Variants in LARGE1 observed in about 807,000 individuals in gnomAD.
LARGE1 encodes the protein LARGE xylosyl- and glucuronyltransferase 1.
Under a neutral mutation model 87.6 loss-of-function variants are expected in LARGE1, and 43 were observed. That is an observed-to-expected ratio of 0.49 (90% confidence interval 0.38 to 0.63). The LOEUF (loss-of-function observed/expected upper bound fraction) is 0.63. LARGE1 is among the 30% of genes least tolerant of loss of function. The pLI is 0.00. For synonymous variants in LARGE1, 434 were observed against 394.6 expected (o/e 1.10, Z -1.18); for missense variants, 802 against 1,000.2 (o/e 0.80, Z 2.67).
intron 2 of LARGE1, among the ~76,000 whole-genome samples, chr22:33,690,613 C>A (rs1379757051): frequency 6.6e-6 from 1 of 150,844 alleles, no homozygotes; most frequent in East Asian, 1.9e-4. Flanking sequence ...GGGAGAAGGA[C>A]CTTTCCTTGT....
At chr22:33,907,175 A>G (rs1002979549) in intron 1 of LARGE1, among the ~76,000 whole-genome samples, 4 of 152,192 alleles carry the variant, frequency 2.6e-5, no homozygotes, top group African/African-American at 7.2e-5. Context: ...CCTTCTGATA[A>G]GCCCAGGGCT....
chr22:33,348,635 C>T (rs1404760913), intron 9 of LARGE1, among the ~76,000 whole-genome samples: 4 of 151,908 alleles, frequency 2.6e-5, no homozygotes, highest in Non-Finnish European at 5.9e-5. Flanking sequence ...GCAAATGGCT[C>T]TTCCCAGTAC....
At chr22:33,454,327 T>G (rs914773020) in intron 6 of LARGE1, among the ~76,000 whole-genome samples, 1 of 151,840 alleles carries the variant, frequency 6.6e-6, no homozygotes, top group African/African-American at 2.4e-5. Flanking sequence ...ATAAGAAAAG[T>G]AGTTGAGTTA....
At chr22:33,776,714 G>C (rs143728953) in intron 1 of LARGE1, among the ~76,000 whole-genome samples, 3 of 152,172 alleles carry the variant, frequency 2.0e-5, no homozygotes, top group Admixed American at 2.0e-4. Flanking sequence ...ATGCACTCTG[G>C]CATCCCTTAG....
chr22:33,495,670 G>T (rs1258253436), intron 6 of LARGE1, among the ~76,000 whole-genome samples: 3 of 151,872 alleles, frequency 2.0e-5, no homozygotes, highest in Non-Finnish European at 4.4e-5. Flanking sequence ...AGTGAGCCGA[G>T]ATCACACCAC....
intron 11 of LARGE1, among the ~76,000 whole-genome samples, chr22:33,237,803 C>T (rs747937917): frequency 1.1e-4 from 16 of 152,176 alleles, no homozygotes; most frequent in Admixed American, 5.2e-4. Flanking sequence ...CATCAAGATC[C>T]GACTCCTGAA....
In LARGE1 at chr22:33,598,173, G is replaced by A. The variant is rs117523248; in HGVS notation, c.615+6262C>T. Among the ~76,000 whole-genome samples the A allele has an allele frequency of 1.0e-3, 158 of 152,242 alleles. No individual in the cohort carries two copies. In the Middle Eastern group the frequency reaches 0.014, roughly 13 times the overall value. ...AGGGAAACAGGACATAGGAGAAAGG[G>A]CACAGATACTGGAGTCAGACAGTTC... is the stretch of plus-strand genomic sequence containing the variant. On this transcript the variant is annotated intron_variant, in intron 5 of 14. Transcript: ENST00000397394.
In LARGE1 at chr22:33,202,228, C is replaced by CT. The variant is rs141955794; in HGVS notation, c.1731-35397dup. Among the ~76,000 whole-genome samples the CT allele has an allele frequency of 8.1e-3, 1,230 of 152,282 alleles. 7 individuals carry two copies. Among genetic ancestry groups the CT allele is most frequent in the Middle Eastern group, 0.02 (6 of 294 alleles). On this transcript the variant is annotated intron_variant, in intron 11 of 11. Transcript: ENST00000608642. ...ACACTAGAACAGAGAAAGAGATACT[C>CT]TCCCCACTCCCAACTTTAGAAACTG...
At chr22:33,300,301 C>T (rs73166230) in intron 12 of LARGE1, among the ~76,000 whole-genome samples, 7 of 152,166 alleles carry the variant, frequency 4.6e-5, no homozygotes, top group African/African-American at 1.7e-4. Flanking sequence ...TAATGACAGA[C>T]TGAGTGCAGC....
intron 1 of LARGE1, among the ~76,000 whole-genome samples, chr22:33,782,509 T>A (rs564602369): frequency 1.3e-5 from 2 of 152,190 alleles, no homozygotes; most frequent in Non-Finnish European, 2.9e-5. Context: ...TTGTTTTACA[T>A]CAGTGACACG....
chr22:33,360,742 T>C (rs1341766846), intron 9 of LARGE1, among the ~76,000 whole-genome samples: 1 of 149,550 alleles, frequency 6.7e-6, no homozygotes, highest in Admixed American at 6.6e-5. Context: ...GTGAAAATGC[T>C]ATATAAACTG....
At chr22:33,476,852 C>T (rs1043077053) in intron 6 of LARGE1, among the ~76,000 whole-genome samples, 2 of 152,132 alleles carry the variant, frequency 1.3e-5, no homozygotes, top group African/African-American at 4.8e-5. Context: ...ATTAGCAGAA[C>T]GTGCACACAG....
intron 11 of LARGE1, among the ~76,000 whole-genome samples, chr22:33,309,053 C>T (rs745443139): frequency 7.9e-5 from 12 of 152,134 alleles, no homozygotes; most frequent in African/African-American, 1.2e-4. Flanking sequence ...GGGGCCTAGG[C>T]GCCTGCATTT....
At chr22:33,128,399 A>T in the LARGE1 span, among the ~76,000 whole-genome samples, 1 of 152,214 alleles carries the variant, frequency 6.6e-6, no homozygotes, top group African/African-American at 2.4e-5. Flanking sequence ...GGTAGGCCAG[A>T]TGCAGTGGCT....
chr22:33,250,241 T>G (rs1192996180), intron 11 of LARGE1, among the ~76,000 whole-genome samples: 2 of 152,230 alleles, frequency 1.3e-5, no homozygotes, highest in African/African-American at 4.8e-5. Context: ...TATGCATATT[T>G]TGTTAGATTT....
At chr22:33,449,743 G>A (rs938624621) in intron 6 of LARGE1, among the ~76,000 whole-genome samples, 2 of 152,182 alleles carry the variant, frequency 1.3e-5, no homozygotes, top group Non-Finnish European at 2.9e-5. Context: ...CCAGTCTTTT[G>A]CCAAGGAAAC....
chr22:33,244,839 G>T (rs1926683604), intron 11 of LARGE1, among the ~76,000 whole-genome samples: 1 of 152,230 alleles, frequency 6.6e-6, no homozygotes, highest in South Asian at 2.1e-4. Flanking sequence ...TAAGGAGGGG[G>T]AGGGGAAGTG....
At chr22:33,307,602 T>G (rs961399218) in intron 11 of LARGE1, among the ~76,000 whole-genome samples, 3 of 152,154 alleles carry the variant, frequency 2.0e-5, no homozygotes, top group Non-Finnish European at 4.4e-5. Context: ...ACATATTTGT[T>G]ATTTCCAATG....
intron 12 of LARGE1, among the ~76,000 whole-genome samples, chr22:33,298,409 T>C (rs1933656080): frequency 6.6e-6 from 1 of 152,238 alleles, no homozygotes; most frequent in Admixed American, 6.5e-5. Context: ...TTAGCTCTTA[T>C]CTTCTCAGTT....
Sources: allele counts gnomAD v4.1 joint callset (sites outside exome capture counted in the v4.1 genomes callset), GRCh38; gene constraint gnomAD v4.1.1; transcripts MANE v1.5; gene names NCBI Gene and HGNC (gene_info 2026-07-23, HGNC 2026-07-21).